Variants in TBC1D1 observed in about 807,000 individuals in gnomAD.
TBC1D1 encodes TBC1 domain family member 1.
TBC1D1 carries 89 observed loss-of-function variants against 125.6 expected under a neutral mutation model. The ratio of observed to expected loss-of-function variants is 0.71; its 90% CI spans 0.60 to 0.85. The LOEUF (loss-of-function observed/expected upper bound fraction) is 0.85. TBC1D1 is among the 40% of genes least tolerant of loss of function. The pLI, the probability that TBC1D1 is intolerant of heterozygous loss-of-function variation, is 0.00. For synonymous variants in TBC1D1, 565 were observed against 564.1 expected, an observed-to-expected ratio of 1.00 and a Z score of -0.02; for missense variants, 1,377 against 1,469.2, an observed-to-expected ratio of 0.94 and a Z score of 1.03.
intron 2 of TBC1D1, among the ~76,000 whole-genome samples, chr4:37,946,351 G>T (rs1212843050): frequency 6.6e-6 from 1 of 152,152 alleles, no homozygotes; most frequent in Non-Finnish European, 1.5e-5. Context: ...CCAACACAAA[G>T]AAATGATAAA....
At chr4:38,029,842 C>G (rs551298056) in intron 7 of TBC1D1, among the ~76,000 whole-genome samples, 1 of 152,138 alleles carries the variant, frequency 6.6e-6, no homozygotes, top group South Asian at 2.1e-4. Context: ...TTGTTTTCTT[C>G]TGAATCAACT....
intron 2 of TBC1D1, among the ~76,000 whole-genome samples, chr4:37,968,480 G>C (rs975481606): frequency 4.6e-5 from 7 of 152,226 alleles, no homozygotes; most frequent in Non-Finnish European, 1.0e-4. Flanking sequence ...ATGTAACGCA[G>C]AAAATCAAAA....
intron 12 of TBC1D1, among the ~76,000 whole-genome samples, chr4:38,059,764 G>A (rs1426394212): frequency 6.6e-6 from 1 of 152,118 alleles, no homozygotes; most frequent in Non-Finnish European, 1.5e-5. Flanking sequence ...TGCAGGATGT[G>A]CAGGTTTGTT....
chr4:37,910,862 T>C (rs1004366595), intron 2 of TBC1D1, among the ~76,000 whole-genome samples: 2 of 152,216 alleles, frequency 1.3e-5, no homozygotes, highest in East Asian at 3.9e-4. Flanking sequence ...ATCCTGATGT[T>C]GTTGTTACAC....
At chr4:38,060,736 A>G (rs955654101) in intron 12 of TBC1D1, 5 of 970,204 alleles carry the variant, frequency 5.2e-6, no homozygotes, top group African/African-American at 3.4e-5. Context: ...TCTTCAGATC[A>G]TGGTTTAGAG....
At chr4:37,946,371 T>C (rs1208057491) in intron 2 of TBC1D1, among the ~76,000 whole-genome samples, 2 of 152,206 alleles carry the variant, frequency 1.3e-5, no homozygotes, top group Non-Finnish European at 2.9e-5. Context: ...ATGTTTGAGG[T>C]GATGGATTTG....
At chr4:38,056,697 A>G (rs1402706649) in intron 12 of TBC1D1, among the ~76,000 whole-genome samples, 1 of 152,112 alleles carries the variant, frequency 6.6e-6, no homozygotes, top group Non-Finnish European at 1.5e-5. Flanking sequence ...AGTCCTAGCT[A>G]CTTGGGAGAC....
chr4:38,131,343 A>G (rs1281299145), intron 18 of TBC1D1, among the ~76,000 whole-genome samples: 2 of 152,254 alleles, frequency 1.3e-5, no homozygotes, highest in African/African-American at 4.8e-5. Context: ...CATATTTATA[A>G]TTATACATGA....
intron 2 of TBC1D1, among the ~76,000 whole-genome samples, chr4:38,012,567 GC>G (rs886688159): frequency 2.0e-5 from 3 of 152,142 alleles, no homozygotes; most frequent in African/African-American, 7.2e-5. Context: ...GCACTAACAT[GC>G]CCAGTCTAAC....
At chr4:38,006,984 G>A (rs553402406) in intron 2 of TBC1D1, 5 of 428,322 alleles carry the variant, frequency 1.2e-5, no homozygotes, top group African/African-American at 4.2e-5. Flanking sequence ...CTTGGCCAAG[G>A]GTGGTTCACT....
chr4:38,004,495 CT>C (rs745964609), intron 2 of TBC1D1, among the ~76,000 whole-genome samples: 1 of 151,938 alleles, frequency 6.6e-6, no homozygotes, highest in African/African-American at 2.4e-5. Context: ...CTGAATATGC[CT>C]TTTTTTTAAA....
chr4:38,065,054 C>T (rs184980402), intron 12 of TBC1D1, among the ~76,000 whole-genome samples: 99 of 152,264 alleles, frequency 6.5e-4, no homozygotes, highest in African/African-American at 2.3e-3. Context: ...CCTCAGCCTC[C>T]GGAGTAGCTG....
intron 2 of TBC1D1, among the ~76,000 whole-genome samples, chr4:37,968,326 C>T (rs1045561725): frequency 6.6e-6 from 1 of 152,194 alleles, no homozygotes; most frequent in Admixed American, 6.5e-5. Context: ...TTTTACCCTG[C>T]AGTCTTCTTA....
chr4:38,009,973 A>G (rs531908743), intron 2 of TBC1D1, among the ~76,000 whole-genome samples: 2 of 152,332 alleles, frequency 1.3e-5, no homozygotes, highest in South Asian at 2.1e-4. Flanking sequence ...CGTAGATACT[A>G]TTGCTCCAAC....
chr4:37,919,472 CA>C lies in TBC1D1; in HGVS notation c.417+16961del, dbSNP rs1267506504. ...AAGTGCTGGGATTACAGACATAAGC[CA>C]CCGCGCCTGGCTAAGGTTATATATT... On this transcript the variant is annotated intron_variant, in intron 2 of 19. Coordinates refer to ENST00000261439, the MANE Select transcript of TBC1D1 (RefSeq NM_015173.4). 3.3e-5 allele frequency among the ~76,000 whole-genome samples: 5 copies of C among 152,056 alleles called. No individual in the cohort carries two copies. In the South Asian group the frequency reaches 8.3e-4, roughly 25 times the overall value.
At chr4:38,027,041 A>G (rs376281438) in intron 6 of TBC1D1, among the ~76,000 whole-genome samples, 7 of 152,326 alleles carry the variant, frequency 4.6e-5, no homozygotes, top group Admixed American at 2.0e-4. Context: ...TATCAACACA[A>G]GAATTTATCA....
chr4:38,083,872 A>G (rs1757005859), intron 12 of TBC1D1, among the ~76,000 whole-genome samples: 1 of 151,570 alleles, frequency 6.6e-6, no homozygotes, highest in African/African-American at 2.4e-5. Flanking sequence ...TTGGATTTCT[A>G]GCAGCATGCC....
chr4:37,950,700 A>G (rs4008685), intron 2 of TBC1D1, among the ~76,000 whole-genome samples: 95,369 of 150,728 alleles, frequency 0.63, 30,888 homozygotes, highest in East Asian at 0.96. Context: ...TTACATTAGG[A>G]CTCATTCTTG....
Position 38,052,194 on chromosome 4 carries a change from T to TGTGTGTGCGC in TBC1D1, c.1911-2004_1911-2003insTGTGTGCGCG, listed in dbSNP as rs755025486. 5.3e-3 allele frequency: 3,106 copies of TGTGTGTGCGC among 580,872 alleles called. 8 individuals carry two copies. Among genetic ancestry groups the TGTGTGTGCGC allele is most frequent in the Non-Finnish European group, 4.6e-3 (1,673 of 360,638 alleles). The allele number at this position is 580,872 out of a possible 1,614,324, so 36.0% of individuals were successfully genotyped here. On this transcript the variant is annotated intron_variant, in intron 11 of 19. Transcript: ENST00000261439. ...GTGTGTGTGTGTGTGTGTGTGTGTG[T>TGTGTGTGCGC]GCGCGCGCGTGTGTGTCTTTGTTTA...
Sources: allele counts gnomAD v4.1 joint callset (sites outside exome capture counted in the v4.1 genomes callset), GRCh38; gene constraint gnomAD v4.1.1; transcripts MANE v1.5; gene names NCBI Gene and HGNC (gene_info 2026-07-23, HGNC 2026-07-21).